POLE4: variants seen among roughly 807,000 people sequenced by gnomAD.
POLE4 encodes DNA polymerase epsilon 4, accessory subunit.
In POLE4, 15 loss-of-function variants were observed where a neutral mutation model predicts 15.6. The observed-to-expected ratio is 0.96, with a 90% confidence interval of 0.64 to 1.48. The LOEUF is 1.48. Among genes scored for constraint, POLE4 ranks in the 40% most tolerant of loss-of-function variants. The probability of loss-of-function intolerance (pLI) is 0.00; values close to 1 mark genes in which losing one functional copy is unlikely to be tolerated. For synonymous variants in POLE4, 83 were observed against 63.2 expected (o/e 1.31, Z -1.49); for missense variants, 205 against 151.9 (o/e 1.35, Z -1.84).
Position 74,960,166 on chromosome 2 carries a change from G to A in POLE4, c.340+20G>A, listed in dbSNP as rs1421416134. Reference sequence around the variant, plus strand: ...TGGAAGGTGAGTTCCCTCTCAGTGGGCAATCATTTCCGCCTGTCTTTTGCA... The same window carrying A: ...TGGAAGGTGAGTTCCCTCTCAGTGGACAATCATTTCCGCCTGTCTTTTGCA... On this transcript the variant is annotated intron_variant, in intron 3 of 3. Transcript: ENST00000483063. 4.4e-6 allele frequency: 7 copies of A among 1,596,470 alleles called. No individual in the cohort carries two copies. Among genetic ancestry groups the A allele is most frequent in the East Asian group, 2.2e-5 (1 of 44,794 alleles).
rs1346353378 is a variant in POLE4, at chr2:74,969,612, C to CT, written c.*191dup. The CT allele has an allele frequency of 1.6e-6, 1 of 643,396 alleles. No homozygotes were observed. The highest frequency in any genetic ancestry group is 1.8e-5 in the African/African-American group (1 of 55,884). The allele number at this position is 643,396 out of a possible 1,614,324, so 39.9% of individuals were successfully genotyped here. On this transcript the variant is annotated 3_prime_UTR_variant, in exon 4 of 4. Transcript: ENST00000483063. Reference sequence around the variant, plus strand: ...CTGCAAGGTCTTCCACTATTTCTGTCTGTCTTCCATATCAAGCCTGGATGC... The same window carrying CT: ...CTGCAAGGTCTTCCACTATTTCTGTCTTGTCTTCCATATCAAGCCTGGATGC...
intron 3 of POLE4, among the ~76,000 whole-genome samples, chr2:74,965,439 G>C (rs759674879): frequency 6.6e-6 from 1 of 152,136 alleles, no homozygotes; most frequent in Non-Finnish European, 1.5e-5. Flanking sequence ...CTTATTGAAA[G>C]ATTGGAATTA....
At chr2:74,960,315 T>A (rs911994248) in intron 3 of POLE4, 169 bp downstream of exon 3, 6 of 633,320 alleles carry the variant, frequency 9.5e-6, no homozygotes, top group Middle Eastern at 2.6e-4. Flanking sequence ...AGGTTCAGTT[T>A]TCTCCCTTGG....
chr2:74,962,779 A>G (rs776608555), intron 3 of POLE4, among the ~76,000 whole-genome samples: 1 of 152,098 alleles, frequency 6.6e-6, no homozygotes, highest in Non-Finnish European at 1.5e-5. Context: ...CTTTCCCGAC[A>G]TTACTGTTTC....
rs35849174 is a variant in POLE4 at position 74,965,090 on chromosome 2, ATT to A, written c.341-4304_341-4303del. On this transcript the variant is annotated intron_variant, in intron 3 of 3. Coordinates refer to ENST00000483063, the MANE Select transcript of POLE4 (RefSeq NM_019896.4). ...ATTGGCAATTATACACTTTTTATCT[ATT>A]TTTTTTTTTTTTTTGGTGGGGGATG... Among the ~76,000 whole-genome samples, 485 of 124,846 alleles carry A rather than the reference ATT, an allele frequency of 3.9e-3. 1 individual carries two copies. Among genetic ancestry groups the A allele is most frequent in the African/African-American group, 5.2e-3 (167 of 32,344 alleles). 81.9% of individuals were successfully genotyped at this position (124,846 alleles called of 152,430 possible). A position where few individuals can be genotyped will look rare whatever the true frequency, so the allele number is the denominator to read the frequency against.
chr2:74,959,774 G>T, intron 2 of POLE4: 1 of 447,450 alleles, frequency 2.2e-6, no homozygotes, highest in Non-Finnish European at 4.0e-6. Context: ...TTCGTATACC[G>T]TATTCTCATG....
intron 3 of POLE4, among the ~76,000 whole-genome samples, chr2:74,963,473 A>G (rs1671252755): frequency 6.6e-6 from 1 of 151,750 alleles, no homozygotes; most frequent in African/African-American, 2.4e-5. Flanking sequence ...TTATTGACTT[A>G]TAAAAATGCT....
At chr2:74,961,583 A>G (rs1249916176) in intron 3 of POLE4, 1 of 152,226 alleles carries the variant, frequency 6.6e-6, no homozygotes, top group Non-Finnish European at 1.5e-5. Context: ...TAAGTGCACA[A>G]CATTGCTGCC....
intron 3 of POLE4, among the ~76,000 whole-genome samples, chr2:74,960,802 G>C (rs1671210159): frequency 6.6e-6 from 1 of 152,198 alleles, no homozygotes; most frequent in African/African-American, 2.4e-5. Flanking sequence ...GGTCCCATCA[G>C]ATTATAATGG....
At chr2:74,963,854 C>G (rs1671261102) in intron 3 of POLE4, among the ~76,000 whole-genome samples, 1 of 152,136 alleles carries the variant, frequency 6.6e-6, no homozygotes, top group Non-Finnish European at 1.5e-5. Flanking sequence ...CCTGCCTTTT[C>G]ACTCCTTAAA....
rs190625822 is a variant in POLE4, at chr2:74,962,040, C to T, written c.340+1894C>T. On this transcript the variant is annotated intron_variant, in intron 3 of 3. Transcript: ENST00000483063. ...GTGTTTTGAGCTTTTCTGGTGGTTA[C>T]GTTTATTTCTAACTAATATGCTTAC... 5.9e-5 allele frequency among the ~76,000 whole-genome samples: 9 copies of T among 152,200 alleles called. No homozygotes were observed. The East Asian group carries it at 1.3e-3, about 23-fold the overall frequency.
At chr2:74,958,987 G>A in intron 1 of POLE4, 95 bp downstream of exon 1, 8 of 1,224,338 alleles carry the variant, frequency 6.5e-6, no homozygotes, top group Non-Finnish European at 9.1e-6. Flanking sequence ...GGGCGGCGTG[G>A]CCCGGGTTTT....
At chr2:74,959,983 C>A in intron 2 of POLE4, 122 bp from the exon 3 acceptor site, 1 of 738,010 alleles carries the variant, frequency 1.4e-6, no homozygotes, top group South Asian at 1.6e-5. Flanking sequence ...CAGCAAGGGA[C>A]GCATCTTATA....
rs1006467753 is a variant in POLE4, at chr2:74,959,173, G to A, written c.214-168G>A. On this transcript the variant is annotated intron_variant, in intron 1 of 3. Transcript: ENST00000483063. ...AGTGAATGAGGGAGAATACTGGGAA[G>A]AGGGTAGCGGAATGGATCTTCATGA... 6 of 618,724 alleles carry A rather than the reference G, an allele frequency of 9.7e-6. No individual in the cohort carries two copies. In the African/African-American group the frequency reaches 1.1e-4, roughly 11 times the overall value. The allele number at this position is 618,724 out of a possible 1,614,324, so 38.3% of individuals were successfully genotyped here.
At position 74,969,459 on chromosome 2, in the gene POLE4, A is replaced by G; in HGVS notation, c.*37A>G. ...GGCAGTTTTGTGAGCCTTCATCTGAAGCCTTCAGTTCACCCCTCTGCACAG... is the reference window on the plus strand; with the variant it reads ...GGCAGTTTTGTGAGCCTTCATCTGAGGCCTTCAGTTCACCCCTCTGCACAG... On this transcript the variant is annotated 3_prime_UTR_variant, in exon 4 of 4. Transcript: ENST00000483063. 1 of 1,606,132 alleles carries G rather than the reference A, an allele frequency of 6.2e-7. No individual in the cohort carries two copies. The highest frequency in any genetic ancestry group is 8.5e-7 in the Non-Finnish European group (1 of 1,172,800).
rs1448285824 is a variant in POLE4 at position 74,970,118 on chromosome 2, ATTATAC to A, written c.*699_*704del. The A allele has an allele frequency of 6.6e-6, 1 of 152,108 alleles. No individual in the cohort carries two copies. Among genetic ancestry groups the A allele is most frequent in the African/African-American group, 2.4e-5 (1 of 41,404 alleles). The allele number at this position is 152,108 out of a possible 1,614,324, so 9.4% of individuals were successfully genotyped here. A position where few individuals can be genotyped will look rare whatever the true frequency, so the allele number is the denominator to read the frequency against. ...ACATTTTATTTATTTATTTATTATT[ATTATAC>A]TTTAAGTTTTAGGGTACATGTGCAC... On this transcript the variant is annotated 3_prime_UTR_variant, in exon 4 of 4. Transcript: ENST00000483063.
In POLE4 at chr2:74,964,336, C is replaced by T. The variant is rs138077632; in HGVS notation, c.340+4190C>T. Reference sequence around the variant, plus strand: ...TTTTGAATCTTTGCATTTTCATGTACATTTTAGAATCTGTCAAATTCCACA... The same window carrying T: ...TTTTGAATCTTTGCATTTTCATGTATATTTTAGAATCTGTCAAATTCCACA... On this transcript the variant is annotated intron_variant, in intron 3 of 3. Transcript: ENST00000483063. 3.7e-3 allele frequency among the ~76,000 whole-genome samples: 569 copies of T among 152,190 alleles called. 6 individuals carry two copies. The highest frequency in any genetic ancestry group is 0.013 in the African/African-American group (542 of 41,538).
rs1404132065 is a variant in POLE4, at chr2:74,958,783, G to C, written c.104G>C (p.Gly35Ala). The C allele has an allele frequency of 1.3e-6, 2 of 1,550,978 alleles. No individual in the cohort carries two copies. The highest frequency in any genetic ancestry group is 1.7e-6 in the Non-Finnish European group (2 of 1,146,896). ...SQPQAPTSVP[G>A]ARLSRLPLAR... ...CCCCAGGCCCCAACGAGTGTGCCTG[G>C]GGCTCGTCTCTCGAGGTTGCCTCTG... is the stretch of plus-strand genomic sequence containing the variant. The change falls in exon 1 of 4, where the codon GGG becomes GCG. Residue 35 changes from glycine (G) to alanine (A), a missense_variant. By Grantham distance (60) the Gly-to-Ala change is moderately conservative. Coordinates refer to ENST00000483063, the MANE Select transcript of POLE4 (RefSeq NM_019896.4).
In POLE4 at chr2:74,966,448, C is replaced by T. The variant is rs112883584; in HGVS notation, c.341-2961C>T. Among the ~76,000 whole-genome samples, 15 of 152,320 alleles carry T rather than the reference C, an allele frequency of 9.8e-5. 1 individual carries two copies. Among genetic ancestry groups the T allele is most frequent in the African/African-American group, 3.6e-4 (15 of 41,566 alleles). On this transcript the variant is annotated intron_variant, in intron 3 of 3. Transcript: ENST00000483063. ...AGACAGTTTCATTTCGTCACCCAGG[C>T]TGGAGTGCAGTGGTGCGATCTCAGC...
Sources: allele counts gnomAD v4.1 joint callset (sites outside exome capture counted in the v4.1 genomes callset), GRCh38; gene constraint gnomAD v4.1.1; transcripts MANE v1.5; gene names NCBI Gene and HGNC (gene_info 2026-07-23, HGNC 2026-07-21).